Variants in NFIB observed in about 807,000 individuals in gnomAD.
The protein encoded by NFIB is nuclear factor 1 B-type.
Under a neutral mutation model 61.5 loss-of-function variants are expected in NFIB, and 11 were observed. That is an observed-to-expected ratio of 0.18 (90% CI 0.11 to 0.30). NFIB has a LOEUF of 0.30. Among genes scored for constraint, NFIB ranks in the 10% least tolerant of loss-of-function variants. The pLI is 1.00. For missense variants in NFIB, 471 were observed against 608.9 expected, an observed-to-expected ratio of 0.77 and a Z score of 2.38; for synonymous variants, 260 against 216.5, an observed-to-expected ratio of 1.20 and a Z score of -1.76.
chr9:14,479,551 T>C, the NFIB span, among the ~76,000 whole-genome samples: 2 of 152,310 alleles, frequency 1.3e-5, no homozygotes, highest in Middle Eastern at 3.4e-3. Context: ...GCAAAGTTTC[T>C]AGGGTAAAGA....
chr9:14,421,289 A>G, the NFIB span, among the ~76,000 whole-genome samples: 1 of 152,212 alleles, frequency 6.6e-6, no homozygotes, highest in Non-Finnish European at 1.5e-5. Context: ...GATCTAGAAC[A>G]ATGTCTGGCT....
intron 7 of NFIB, among the ~76,000 whole-genome samples, chr9:14,121,237 C>A (rs1386697036): frequency 6.6e-6 from 1 of 152,218 alleles, no homozygotes; most frequent in Non-Finnish European, 1.5e-5. Flanking sequence ...GCGCTCCAAC[C>A]TGGTGACAGA....
chr9:14,314,113 T>A lies in NFIB; in HGVS notation c.-602A>T, dbSNP rs1161435274. The A allele has an allele frequency of 4.0e-6, 4 of 992,678 alleles. No individual in the cohort carries two copies. In the South Asian group the frequency reaches 1.9e-4, roughly 47 times the overall value. 61.5% of individuals were successfully genotyped at this position (992,678 alleles called of 1,614,324 possible). ...AACTTTGCCGCGAGCCGACCATGTGTGTGCGCGAGGGGCAGCGTGAGCGAG... is the reference window on the plus strand; with the variant it reads ...AACTTTGCCGCGAGCCGACCATGTGAGTGCGCGAGGGGCAGCGTGAGCGAG... On this transcript the variant is annotated 5_prime_UTR_variant, in exon 1 of 11. Coordinates refer to ENST00000380953, the MANE Select transcript of NFIB (RefSeq NM_001190737.2).
intron 2 of NFIB, among the ~76,000 whole-genome samples, chr9:14,272,309 A>C (rs1021914302): frequency 6.6e-6 from 1 of 152,180 alleles, no homozygotes; most frequent in Non-Finnish European, 1.5e-5. Context: ...AATTTTAATA[A>C]AGGTAAAATT....
intron 2 of NFIB, among the ~76,000 whole-genome samples, chr9:14,267,601 C>T (rs934733640): frequency 2.7e-4 from 41 of 152,260 alleles, no homozygotes; most frequent in African/African-American, 7.9e-4. Context: ...TATGTATTAT[C>T]TATGACCCTA....
intron 1 of NFIB, among the ~76,000 whole-genome samples, chr9:14,360,748 G>C (rs1201392961): frequency 2.6e-5 from 4 of 151,918 alleles, no homozygotes; most frequent in Admixed American, 6.6e-5. Context: ...GTTTCACCTT[G>C]TTAGCCAGAA....
the NFIB span, among the ~76,000 whole-genome samples, chr9:14,458,827 T>C: frequency 6.6e-6 from 1 of 151,764 alleles, no homozygotes; most frequent in African/African-American, 2.4e-5. Context: ...GAAGGACCTC[T>C]TCAAGGAGAA....
intron 2 of NFIB, among the ~76,000 whole-genome samples, chr9:14,181,285 G>T (rs986926452): frequency 6.6e-6 from 1 of 152,052 alleles, no homozygotes; most frequent in African/African-American, 2.4e-5. Flanking sequence ...ATGAGATCTT[G>T]GCAGGCATAT....
chr9:14,516,967 G>A, the NFIB span, among the ~76,000 whole-genome samples: 1 of 152,164 alleles, frequency 6.6e-6, no homozygotes, highest in African/African-American at 2.4e-5. Flanking sequence ...GTAGAAATCT[G>A]AGCAAATAAT....
Position 14,083,972 on chromosome 9 carries a change from T to C in NFIB, c.*4337A>G, listed in dbSNP as rs1403187315. 1 of 219,102 alleles carries C rather than the reference T, an allele frequency of 4.6e-6. No homozygotes were observed. Among genetic ancestry groups the C allele is most frequent in the Admixed American group, 5.8e-5 (1 of 17,226 alleles). 13.6% of individuals were successfully genotyped at this position (219,102 alleles called of 1,614,324 possible). A position where few individuals can be genotyped will look rare whatever the true frequency, so the allele number is the denominator to read the frequency against. On this transcript the variant is annotated 3_prime_UTR_variant, in exon 11 of 11. Transcript: ENST00000380953. ...GCCGTATATACTAATAAAAAGACAG[T>C]GGTGCTTCGACATTCTGAAATGCTC...
chr9:14,384,021 C>A (rs1176314410), intron 1 of NFIB, among the ~76,000 whole-genome samples: 1 of 152,216 alleles, frequency 6.6e-6, no homozygotes, highest in African/African-American at 2.4e-5. Flanking sequence ...TCGTGATTGG[C>A]TGGGGGGCGT....
intron 6 of NFIB, among the ~76,000 whole-genome samples, chr9:14,127,287 A>C (rs1403960788): frequency 6.6e-6 from 1 of 152,180 alleles, no homozygotes; most frequent in Non-Finnish European, 1.5e-5. Context: ...CTTTAATGGA[A>C]GTTTATCAAC....
intron 2 of NFIB, among the ~76,000 whole-genome samples, chr9:14,203,546 A>C (rs1237502338): frequency 6.6e-6 from 1 of 152,108 alleles, no homozygotes; most frequent in Non-Finnish European, 1.5e-5. Flanking sequence ...CTTGGCACGG[A>C]GCGACTGCAG....
At chr9:14,517,858 G>T in the NFIB span, among the ~76,000 whole-genome samples, 4 of 152,072 alleles carry the variant, frequency 2.6e-5, no homozygotes, top group East Asian at 7.7e-4. Flanking sequence ...TCATCCCTCT[G>T]CAGGAATTAA....
At chr9:14,330,830 A>C (rs1445436889) in intron 1 of NFIB, among the ~76,000 whole-genome samples, 1 of 152,104 alleles carries the variant, frequency 6.6e-6, no homozygotes, top group African/African-American at 2.4e-5. Context: ...GTCCATATTC[A>C]ATCAGGCTCC....
chr9:14,146,759 A>T lies in NFIB; in HGVS notation c.855T>A (p.Pro285=). The change falls in exon 6 of 11, where the codon CCT becomes CCA. Residue 285 remains proline (P), a synonymous_variant. Coordinates refer to ENST00000380953, the MANE Select transcript of NFIB (RefSeq NM_001190737.2). Reference sequence around the variant, plus strand: ...TTGGAGAGGGGTAAAAGTCTCCTGTAGGACTTGGTTCCATATTTTCATCTA... The same window carrying T: ...TTGGAGAGGGGTAAAAGTCTCCTGTTGGACTTGGTTCCATATTTTCATCTA... ...ISIDENMEPS[P]TGDFYPSPSS... 1 of 1,607,538 alleles carries T rather than the reference A, an allele frequency of 6.2e-7. No homozygotes were observed. The highest frequency in any genetic ancestry group is 1.1e-5 in the South Asian group (1 of 88,910).
At chr9:14,512,214 C>T in the NFIB span, among the ~76,000 whole-genome samples, 7 of 152,132 alleles carry the variant, frequency 4.6e-5, no homozygotes, top group African/African-American at 1.7e-4. Context: ...GTCTACAAAG[C>T]TGAGGAAACA....
rs1382307023 is a variant in NFIB, at chr9:14,087,674, G to A, written c.*635C>T. ...GGCCGAAATTTAATAAATCTGTACT[G>A]ATAACTAAAGGCTACAGAGATTTCA... On this transcript the variant is annotated 3_prime_UTR_variant, in exon 11 of 11. Coordinates refer to ENST00000380953, the MANE Select transcript of NFIB (RefSeq NM_001190737.2). 4.6e-6 allele frequency: 1 copy of A among 215,484 alleles called. No individual in the cohort carries two copies. The highest frequency in any genetic ancestry group is 6.8e-5 in the East Asian group (1 of 14,670). 13.3% of individuals were successfully genotyped at this position (215,484 alleles called of 1,614,324 possible).
chr9:14,112,887 G>C, intron 10 of NFIB, 112 bp downstream of exon 10: 10 of 847,168 alleles, frequency 1.2e-5, no homozygotes, highest in Non-Finnish European at 1.8e-5. Context: ...GATCAGTTTT[G>C]GTCTCAGAAG....
Sources: allele counts gnomAD v4.1 joint callset (sites outside exome capture counted in the v4.1 genomes callset), GRCh38; gene constraint gnomAD v4.1.1; transcripts MANE v1.5; gene names NCBI Gene and HGNC (gene_info 2026-07-23, HGNC 2026-07-21).